The following PLEKHH1 variants were observed in gnomAD, a reference collection of about 807,000 sequenced individuals.
PLEKHH1 encodes the protein pleckstrin homology domain-containing family H member 1.
A neutral mutation model predicts 160.0 loss-of-function variants in PLEKHH1; 104 were observed. That is an observed-to-expected ratio of 0.65 (90% CI 0.55 to 0.76). The LOEUF is 0.76. Among genes scored for constraint, PLEKHH1 ranks in the 30% least tolerant of loss-of-function variants. PLEKHH1 has a pLI of 0.00. For missense variants in PLEKHH1, 1,427 were observed against 1,724.1 expected (o/e 0.83, Z 3.05); for synonymous variants, 619 against 678.4 (o/e 0.91, Z 1.36).
intron 9 of PLEKHH1, chr14:67,570,706 A>G (rs2035330290): frequency 6.6e-6 from 1 of 152,208 alleles, no homozygotes; most frequent in African/African-American, 2.4e-5. Context: ...ACCACGTGTC[A>G]GGTCATCCTT....
chr14:67,540,687 A>G (rs890978759), intron 1 of PLEKHH1, among the ~76,000 whole-genome samples: 3 of 152,060 alleles, frequency 2.0e-5, no homozygotes, highest in African/African-American at 7.2e-5. Flanking sequence ...ATTGTTGACT[A>G]CTAGGGTGAC....
chr14:67,561,669 A>C (rs1351995627), intron 5 of PLEKHH1, among the ~76,000 whole-genome samples: 2 of 151,952 alleles, frequency 1.3e-5, no homozygotes, highest in African/African-American at 2.4e-5. Flanking sequence ...GGAATTTGGG[A>C]CCAGCCTGGG....
rs1344532635 is a variant in PLEKHH1 at position 67,582,393 on chromosome 14, T to G, written c.3426+183T>G. ...CAGAGCTCCTCACTCACCGCAGATA[T>G]AGGATGCGTGCAGATGGCTGGACTT... On this transcript the variant is annotated intron_variant, in intron 24 of 28. Coordinates refer to ENST00000329153, the MANE Select transcript of PLEKHH1 (RefSeq NM_020715.3). The surrounding 1 kb of genome is among the most constrained non-coding windows in gnomAD (Gnocchi z 5.0). 13 of 1,021,692 alleles carry G rather than the reference T, an allele frequency of 1.3e-5. No individual in the cohort carries two copies. The South Asian group carries it at 1.4e-4, about 11-fold the overall frequency. 63.3% of individuals were successfully genotyped at this position (1,021,692 alleles called of 1,614,324 possible).
chr14:67,557,299 T>C lies in PLEKHH1; in HGVS notation c.220T>C (p.Ser74Pro). 6.2e-7 allele frequency: 1 copy of C among 1,613,766 alleles called. No individual in the cohort carries two copies. The highest frequency in any genetic ancestry group is 8.5e-7 in the Non-Finnish European group (1 of 1,179,718). ...TGTCATGGAAGAGAAGGTAAAACTATCCAATCTGAAGAATGTGGACTCTGA... is the reference window on the plus strand; with the variant it reads ...TGTCATGGAAGAGAAGGTAAAACTACCCAATCTGAAGAATGTGGACTCTGA... ...VGVMEEKVKL[S>P]NLKNVDSEGS... The change falls in exon 4 of 29, where the codon TCC becomes CCC. Residue 74 changes from serine to proline, a missense_variant. By Grantham distance (74) the Ser-to-Pro change is moderately conservative (BLOSUM62 -1). Around this residue, in one of 6 missense-constraint regions of PLEKHH1, gnomAD observed 831 missense variants for 929.2 expected, o/e 0.89. Coordinates refer to ENST00000329153, the MANE Select transcript of PLEKHH1 (RefSeq NM_020715.3).
At chr14:67,560,317 G>C (rs1299126896) in intron 5 of PLEKHH1, among the ~76,000 whole-genome samples, 1 of 152,114 alleles carries the variant, frequency 6.6e-6, no homozygotes, top group African/African-American at 2.4e-5. Context: ...GGGAACCACC[G>C]TGCCCTGCTA....
At chr14:67,565,158 C>A (rs2035030785) in intron 7 of PLEKHH1, among the ~76,000 whole-genome samples, 1 of 152,166 alleles carries the variant, frequency 6.6e-6, no homozygotes, top group African/African-American at 2.4e-5. Flanking sequence ...TGGTTTCTCC[C>A]TTTTACAGGT....
intron 5 of PLEKHH1, among the ~76,000 whole-genome samples, chr14:67,560,313 C>T (rs1338905576): frequency 6.6e-6 from 1 of 152,190 alleles, no homozygotes; most frequent in East Asian, 1.9e-4. Flanking sequence ...AGGAGGGAAC[C>T]ACCGTGCCCT....
intron 3 of PLEKHH1, among the ~76,000 whole-genome samples, chr14:67,556,513 A>C (rs1372239361): frequency 6.6e-6 from 1 of 152,138 alleles, no homozygotes; most frequent in Admixed American, 6.5e-5. Flanking sequence ...CCTGGGGTTT[A>C]AGCAGTCCTC....
intron 23 of PLEKHH1, 60 bp downstream of exon 23, chr14:67,581,098 A>G: frequency 9.6e-7 from 1 of 1,040,784 alleles, no homozygotes; most frequent in Non-Finnish European, 1.5e-6. Flanking sequence ...GTGCCAGCTC[A>G]TCGCCTCCTC....
chr14:67,571,312 T>TC (rs1439210275), intron 9 of PLEKHH1: 11 of 164,196 alleles, frequency 6.7e-5, no homozygotes, highest in Non-Finnish European at 9.4e-5. Flanking sequence ...TAGAGTTTTT[T>TC]CCCCCATCTT....
At position 67,574,261 on chromosome 14, in the gene PLEKHH1, C is replaced by A; in HGVS notation, c.1946C>A (p.Thr649Asn). The A allele has an allele frequency of 6.2e-7, 1 of 1,606,950 alleles. No homozygotes were observed. The highest frequency in any genetic ancestry group is 1.1e-5 in the South Asian group (1 of 89,448). The change falls in exon 14 of 29, where the codon ACC (threonine) becomes AAC (asparagine). Residue 649 changes from threonine to asparagine, a missense_variant. Thr to Asn is a moderately conservative substitution (Grantham distance 65). Transcript: ENST00000329153. The surrounding 1 kb of genome is among the most constrained non-coding windows in gnomAD (Gnocchi z 4.2). ...CCACAGCTCATCTCTGAGAAGAAAA[C>A]CTACTACCTGACGGCCGATTCACCC... is the stretch of plus-strand genomic sequence containing the variant. Reference protein sequence around the residue: ...QTFQLISEKKTYYLTADSPSL... With the variant: ...QTFQLISEKKNYYLTADSPSL...
chr14:67,589,429 T>A lies in PLEKHH1; in HGVS notation c.*2194T>A, dbSNP rs2036297971. 2 of 985,264 alleles carry A rather than the reference T, an allele frequency of 2.0e-6. No individual in the cohort carries two copies. Among genetic ancestry groups the A allele is most frequent in the East Asian group, 2.3e-4 (2 of 8,812 alleles). 61.0% of individuals were successfully genotyped at this position (985,264 alleles called of 1,614,324 possible). ...TTGGCAAAAGTAGCTTTTGAACTGA[T>A]ATAAAAAAAAATGCTGAGTAACAGA... is the stretch of plus-strand genomic sequence containing the variant. On this transcript the variant is annotated 3_prime_UTR_variant, in exon 29 of 29. Coordinates refer to ENST00000329153, the MANE Select transcript of PLEKHH1 (RefSeq NM_020715.3).
At chr14:67,538,926 G>A (rs1205718392) in intron 1 of PLEKHH1, among the ~76,000 whole-genome samples, 1 of 152,182 alleles carries the variant, frequency 6.6e-6, no homozygotes, top group East Asian at 1.9e-4. Context: ...AGTACTTGGA[G>A]ATTTTGATAA....
intron 2 of PLEKHH1, 37 bp from the exon 3 acceptor site, chr14:67,555,782 GGGACAT>G (rs2034567432): frequency 6.2e-7 from 1 of 1,608,264 alleles, no homozygotes; most frequent in Non-Finnish European, 8.5e-7. Context: ...GTTCACAGTA[GGGACAT>G]GGCACCTACA....
At chr14:67,581,424 G>C (rs2035894596) in intron 23 of PLEKHH1, among the ~76,000 whole-genome samples, 3 of 152,022 alleles carry the variant, frequency 2.0e-5, no homozygotes, top group Admixed American at 2.0e-4. Flanking sequence ...ACTCAGGGGG[G>C]CTGAGGTGGG....
At position 67,578,013 on chromosome 14, in the gene PLEKHH1, T is replaced by G; in HGVS notation, c.2575-10T>G. On this transcript the variant is annotated splice_polypyrimidine_tract_variant and intron_variant, in intron 18 of 28. Coordinates refer to ENST00000329153, the MANE Select transcript of PLEKHH1 (RefSeq NM_020715.3). This position sits in a 1 kb window ranked among gnomAD's most constrained non-coding sequence, Gnocchi z 5.0. ...CTGGTCTGCCTGTGCTCACTGCTGT[T>G]CCCTCCCAGTCCTGCCAGCTCTTCA... 6.2e-7 allele frequency: 1 copy of G among 1,611,836 alleles called. No individual in the cohort carries two copies. Among genetic ancestry groups the G allele is most frequent in the East Asian group, 2.2e-5 (1 of 44,858 alleles).
rs1405306594 is a variant in PLEKHH1, at chr14:67,573,971, C to T, written c.1926+84C>T. ...GCCGTGAGTGAGACAAAGATGGGGC[C>T]AAATGAGCATGAATGAAAGACTTCA... On this transcript the variant is annotated intron_variant, in intron 13 of 28. Coordinates refer to ENST00000329153, the MANE Select transcript of PLEKHH1 (RefSeq NM_020715.3). The surrounding 1 kb of genome is among the most constrained non-coding windows in gnomAD (Gnocchi z 4.8). 4 of 976,338 alleles carry T rather than the reference C, an allele frequency of 4.1e-6. No homozygotes were observed. Among genetic ancestry groups the T allele is most frequent in the Non-Finnish European group, 6.6e-6 (4 of 606,310 alleles). The allele number at this position is 976,338 out of a possible 1,614,324, so 60.5% of individuals were successfully genotyped here.
chr14:67,551,468 A>T (rs151035998), intron 2 of PLEKHH1, among the ~76,000 whole-genome samples: 2,041 of 152,180 alleles, frequency 0.013, 28 homozygotes, highest in Non-Finnish European at 0.022. Flanking sequence ...TTATATATAT[A>T]TATTTTTTAC....
chr14:67,543,097 T>A (rs2034037869), intron 2 of PLEKHH1, among the ~76,000 whole-genome samples: 1 of 152,206 alleles, frequency 6.6e-6, no homozygotes, highest in Non-Finnish European at 1.5e-5. Flanking sequence ...TAAAATTAAG[T>A]GAATCAATCA....
Sources: allele counts gnomAD v4.1 joint callset (sites outside exome capture counted in the v4.1 genomes callset), GRCh38; gene constraint gnomAD v4.1.1; regional missense constraint gnomAD v4.1.1; non-coding constraint Gnocchi (gnomAD v3.1); transcripts MANE v1.5; gene names NCBI Gene and HGNC (gene_info 2026-07-23, HGNC 2026-07-21).